The following DHX9 variants were observed in gnomAD, a reference collection of about 807,000 sequenced individuals.
DHX9 encodes ATP-dependent RNA helicase A.
A neutral mutation model predicts 148.7 loss-of-function variants in DHX9; 27 were observed. The ratio of observed to expected loss-of-function variants is 0.18; its 90% CI spans 0.13 to 0.25. DHX9 has a LOEUF of 0.25. Among genes scored for constraint, DHX9 ranks in the 10% least tolerant of loss-of-function variants. The pLI, the probability that DHX9 is intolerant of heterozygous loss-of-function variation, is 1.00. For synonymous variants in DHX9, 529 were observed against 516.6 expected (o/e 1.02, Z -0.33); for missense variants, 796 against 1,559.6 (o/e 0.51, Z 8.25).
intron 15 of DHX9, 94 bp from the exon 16 acceptor site, chr1:182,874,760 A>G: frequency 2.1e-6 from 2 of 955,636 alleles, no homozygotes; most frequent in Non-Finnish European, 3.3e-6. Flanking sequence ...GAGGGGTATT[A>G]AAGTAGTTTT....
chr1:182,879,067 A>G (rs1275642697), intron 20 of DHX9, among the ~76,000 whole-genome samples, 183 bp from the exon 21 acceptor site: 2 of 152,274 alleles, frequency 1.3e-5, no homozygotes, highest in African/African-American at 4.8e-5. Context: ...AGAAACCACT[A>G]TGCAACCAGA....
At chr1:182,886,112 C>G (rs1649311431) in intron 27 of DHX9, among the ~76,000 whole-genome samples, 1 of 151,752 alleles carries the variant, frequency 6.6e-6, no homozygotes, top group Non-Finnish European at 1.5e-5. Context: ...TGGTGATGGA[C>G]TAAAATGGAA....
intron 6 of DHX9, among the ~76,000 whole-genome samples, 184 bp from the exon 7 acceptor site, chr1:182,856,348 A>C (rs1668251010): frequency 6.6e-6 from 1 of 152,208 alleles, no homozygotes; most frequent in Non-Finnish European, 1.5e-5. Context: ...GTCTTATGCC[A>C]TGTTGTATAT....
intron 3 of DHX9, among the ~76,000 whole-genome samples, chr1:182,849,317 C>T (rs146181447): frequency 6.6e-6 from 1 of 152,198 alleles, no homozygotes; most frequent in Non-Finnish European, 1.5e-5. Context: ...TCATTTCTAA[C>T]TACTCCCCTT....
rs141290674 is a variant in DHX9, at chr1:182,853,172, A to C, written c.365-134A>C. 1.3e-4 allele frequency: 81 copies of C among 619,838 alleles called. 1 individual carries two copies. The highest frequency in any genetic ancestry group is 1.3e-3 in the African/African-American group (69 of 52,930). 38.4% of individuals were successfully genotyped at this position (619,838 alleles called of 1,614,324 possible). On this transcript the variant is annotated intron_variant, in intron 4 of 27. Coordinates refer to ENST00000367549, the MANE Select transcript of DHX9 (RefSeq NM_001357.5). ...AAACTCCTGACCACACGTGATACCC[A>C]CCTCAGCGTCCGGAAGTGCTGGGAT...
intron 3 of DHX9, among the ~76,000 whole-genome samples, chr1:182,850,586 C>A (rs796270854): frequency 6.7e-6 from 1 of 148,390 alleles, no homozygotes; most frequent in Non-Finnish European, 1.5e-5. Context: ...TGCAGTGAGA[C>A]CCTGTCTCAA....
intron 13 of DHX9, 140 bp from the exon 14 acceptor site, chr1:182,866,821 A>C (rs1648315900): frequency 6.4e-6 from 5 of 776,982 alleles, no homozygotes; most frequent in East Asian, 5.2e-5. Flanking sequence ...ATAGTACACT[A>C]TCACTTTTTA....
At chr1:182,879,471 G>T in intron 21 of DHX9, 61 bp downstream of exon 21, 1 of 1,332,426 alleles carries the variant, frequency 7.5e-7, no homozygotes, top group Non-Finnish European at 9.8e-7. Context: ...TCTTGTTCTG[G>T]CAGATAACAC....
intron 3 of DHX9, among the ~76,000 whole-genome samples, chr1:182,844,024 C>T (rs540673348): frequency 6.6e-6 from 1 of 152,358 alleles, no homozygotes; most frequent in Admixed American, 6.5e-5. Context: ...TCTCGGCTCA[C>T]TGCAGCCTCC....
intron 1 of DHX9, 171 bp downstream of exon 1, chr1:182,839,627 C>A (rs1460408283): frequency 6.6e-6 from 1 of 152,182 alleles, no homozygotes; most frequent in Non-Finnish European, 1.5e-5. Flanking sequence ...TGCGTGCGCG[C>A]CTCGCCGCGA....
Position 182,884,762 on chromosome 1 carries a change from A to G in DHX9, c.3410A>G (p.Gln1137Arg). ...GAACGTATGCTGAACATGATCCGTCAGATCTCTAGACCCTCAGCTGCTGGT... is the reference window on the plus strand; with the variant it reads ...GAACGTATGCTGAACATGATCCGTCGGATCTCTAGACCCTCAGCTGCTGGT... ...VNERMLNMIR[Q>R]ISRPSAAGIN... Residue 1137 changes from glutamine (Q) to arginine (R), a missense_variant, in exon 27 of 28, where the codon CAG becomes CGG. By Grantham distance (43) the Gln-to-Arg change is conservative. Around this residue, in one of 14 missense-constraint regions of DHX9, gnomAD observed 86 missense variants for 156.3 expected, o/e 0.55. Coordinates refer to ENST00000367549, the MANE Select transcript of DHX9 (RefSeq NM_001357.5). 3.1e-6 allele frequency: 5 copies of G among 1,614,174 alleles called. No homozygotes were observed. Among genetic ancestry groups the G allele is most frequent in the South Asian group, 1.1e-5 (1 of 91,088 alleles).
Position 182,843,500 on chromosome 1 carries a change from G to T in DHX9, c.252+66G>T, listed in dbSNP as rs570018239. The T allele has an allele frequency of 1.7e-5, 23 of 1,350,676 alleles. No individual in the cohort carries two copies. The African/African-American group carries it at 3.2e-4, about 19-fold the overall frequency. The allele number at this position is 1,350,676 out of a possible 1,614,324, so 83.7% of individuals were successfully genotyped here. A position where few individuals can be genotyped will look rare whatever the true frequency, so the allele number is the denominator to read the frequency against. On this transcript the variant is annotated intron_variant, in intron 3 of 27. Transcript: ENST00000367549. The stretch of plus-strand genomic sequence containing the variant: ...AGTTGTACAAACTCAATATGCGTAA[G>T]AGACTCAAGATAGTAATTTTTCACT...
chr1:182,851,536 G>A (rs1157111948), intron 3 of DHX9, among the ~76,000 whole-genome samples: 1 of 152,136 alleles, frequency 6.6e-6, no homozygotes, highest in Non-Finnish European at 1.5e-5. Context: ...GAATTAGAAA[G>A]TAAAAATAAG....
intron 1 of DHX9, chr1:182,839,894 T>G (rs941823768): frequency 7.2e-5 from 11 of 152,064 alleles, no homozygotes; most frequent in African/African-American, 2.4e-4. Flanking sequence ...GAAAAAAAAT[T>G]GAAGAATGTA....
chr1:182,843,188 C>T, intron 2 of DHX9, 106 bp from the exon 3 acceptor site: 1 of 748,100 alleles, frequency 1.3e-6, no homozygotes. Flanking sequence ...AGTATATTTC[C>T]TAAAGTTAGC....
At chr1:182,862,087 G>A (rs776348084) in intron 12 of DHX9, among the ~76,000 whole-genome samples, 4 of 152,186 alleles carry the variant, frequency 2.6e-5, no homozygotes, top group Non-Finnish European at 5.9e-5. Flanking sequence ...TTTTGGCACA[G>A]TCTGAGATAG....
chr1:182,844,370 T>A (rs1247701541), intron 3 of DHX9, among the ~76,000 whole-genome samples: 2 of 152,156 alleles, frequency 1.3e-5, no homozygotes, highest in Non-Finnish European at 2.9e-5. Flanking sequence ...GTCTAGTAGG[T>A]TGTTTTGGGG....
Position 182,887,135 on chromosome 1 carries a change from G to A in DHX9, c.3514G>A (p.Gly1172Arg), listed in dbSNP as rs773260681. 7.4e-6 allele frequency: 12 copies of A among 1,614,080 alleles called. No individual in the cohort carries two copies. The highest frequency in any genetic ancestry group is 1.1e-5 in the South Asian group (1 of 91,078). The change falls in exon 28 of 28, where the codon GGA (glycine) becomes AGA (arginine). Residue 1172 changes from glycine to arginine, a missense_variant. By Grantham distance (125) the Gly-to-Arg change is moderately radical. Around this residue, in one of 14 missense-constraint regions of DHX9, gnomAD observed 86 missense variants for 156.3 expected, o/e 0.55. Transcript: ENST00000367549. ...GATGGCCCGATACGACAATGGAAGCGGATATAGAAGGGGAGGTTCTAGTTA... is the reference window on the plus strand; with the variant it reads ...GATGGCCCGATACGACAATGGAAGCAGATATAGAAGGGGAGGTTCTAGTTA... Reference protein sequence around the residue: ...PKMARYDNGSGYRRGGSSYSG... With the variant: ...PKMARYDNGSRYRRGGSSYSG...
intron 15 of DHX9, among the ~76,000 whole-genome samples, chr1:182,873,464 T>C (rs1648632177): frequency 6.6e-6 from 1 of 152,362 alleles, no homozygotes; most frequent in South Asian, 2.1e-4. Context: ...CTGAAACTGC[T>C]GTACATGTGT....
Sources: gnomAD v4.1 joint callset for allele counts (sites outside exome capture counted in the v4.1 genomes callset) on GRCh38, gnomAD v4.1.1 for gene constraint, gnomAD v4.1.1 regional missense constraint, MANE v1.5 for transcripts, NCBI Gene and HGNC (gene_info 2026-07-23, HGNC 2026-07-21) for gene names.